LSAMP: variants seen among roughly 807,000 people sequenced by gnomAD.
LSAMP encodes limbic system associated membrane protein.
LSAMP carries 7 observed loss-of-function variants against 38.6 expected under a neutral mutation model. That is an observed-to-expected ratio of 0.18 (90% CI 0.10 to 0.34). The LOEUF (loss-of-function observed/expected upper bound fraction) is 0.34, where lower values mean the gene tolerates loss of function less well. Ranked by LOEUF, LSAMP falls within the 10% of genes least tolerant of loss-of-function variation. The probability of loss-of-function intolerance (pLI) is 1.00; values close to 1 mark genes in which losing one functional copy is unlikely to be tolerated. For synonymous variants in LSAMP, 154 were observed against 166.8 expected, an observed-to-expected ratio of 0.92 and a Z score of 0.59; for missense variants, 313 against 420.0, an observed-to-expected ratio of 0.75 and a Z score of 2.23.
chr3:116,067,144 G>C (rs1432139074), intron 2 of LSAMP, among the ~76,000 whole-genome samples: 3 of 152,068 alleles, frequency 2.0e-5, no homozygotes, highest in African/African-American at 7.2e-5. Flanking sequence ...GCTTCAACTT[G>C]ACTAAATATA....
chr3:116,175,576 T>C (rs1297793321), intron 1 of LSAMP, among the ~76,000 whole-genome samples: 1 of 152,014 alleles, frequency 6.6e-6, no homozygotes, highest in Admixed American at 6.6e-5. Flanking sequence ...AACATTGATA[T>C]CAATCAATAA....
intron 1 of LSAMP, among the ~76,000 whole-genome samples, chr3:116,238,823 A>G (rs2046496560): frequency 6.6e-6 from 1 of 150,544 alleles, no homozygotes; most frequent in African/African-American, 2.4e-5. Context: ...AATGTGCTCA[A>G]TATAAAAATG....
At chr3:115,841,132 G>A (rs1333725763) in intron 6 of LSAMP, among the ~76,000 whole-genome samples, 1 of 152,174 alleles carries the variant, frequency 6.6e-6, no homozygotes, top group Non-Finnish European at 1.5e-5. Flanking sequence ...ACTCCAAGAT[G>A]GGGTCTCCTA....
chr3:116,277,337 C>T (rs150973295), intron 1 of LSAMP, among the ~76,000 whole-genome samples: 1 of 151,812 alleles, frequency 6.6e-6, no homozygotes, highest in African/African-American at 2.4e-5. Context: ...AATTGTTCAA[C>T]ATTCTTTGAA....
intron 2 of LSAMP, among the ~76,000 whole-genome samples, chr3:116,059,012 C>T (rs1163564198): frequency 1.3e-5 from 2 of 151,632 alleles, no homozygotes; most frequent in African/African-American, 2.4e-5. Flanking sequence ...CAGATGCCTT[C>T]GATACATAAA....
intron 3 of LSAMP, among the ~76,000 whole-genome samples, chr3:115,930,002 GTTTTTTTTTTT>G (rs1170325465): frequency 3.7e-5 from 3 of 80,292 alleles, no homozygotes; most frequent in African/African-American, 4.8e-5. Flanking sequence ...TTTAGCAGAA[GTTTTTTTTTTT>G]TTTTTTTTTT....
At chr3:116,076,967 G>A (rs1707757307) in intron 2 of LSAMP, among the ~76,000 whole-genome samples, 1 of 151,572 alleles carries the variant, frequency 6.6e-6, no homozygotes, top group South Asian at 2.1e-4. Context: ...AGAAACTATT[G>A]ATTTAATATA....
chr3:115,858,891 T>G (rs1346920113), intron 3 of LSAMP, among the ~76,000 whole-genome samples: 1 of 152,228 alleles, frequency 6.6e-6, no homozygotes, highest in Non-Finnish European at 1.5e-5. Context: ...GTACCATGTT[T>G]CTGTTCTTAC....
intron 3 of LSAMP, among the ~76,000 whole-genome samples, chr3:115,858,721 T>C (rs1045319795): frequency 6.6e-6 from 1 of 152,140 alleles, no homozygotes. Flanking sequence ...AAGGTGTATA[T>C]GTGTGTATAT....
At chr3:116,295,090 A>G (rs1466429350) in intron 1 of LSAMP, among the ~76,000 whole-genome samples, 1 of 152,224 alleles carries the variant, frequency 6.6e-6, no homozygotes. Context: ...GAAATACTAA[A>G]AGAAAGAAAA....
At chr3:116,419,448 T>C (rs1305228443) in intron 1 of LSAMP, among the ~76,000 whole-genome samples, 2 of 152,200 alleles carry the variant, frequency 1.3e-5, no homozygotes, top group Non-Finnish European at 2.9e-5. Flanking sequence ...TTTTAAATAA[T>C]ACTGGTTTCA....
chr3:116,162,261 C>T (rs1709904916), intron 1 of LSAMP, among the ~76,000 whole-genome samples: 1 of 152,168 alleles, frequency 6.6e-6, no homozygotes, highest in Non-Finnish European at 1.5e-5. Context: ...TGGCAGTACA[C>T]ATGCCTTGTG....
chr3:116,032,854 T>C (rs1940959166), intron 2 of LSAMP, among the ~76,000 whole-genome samples: 1 of 152,088 alleles, frequency 6.6e-6, no homozygotes, highest in Admixed American at 6.6e-5. Context: ...ACAAATTAGA[T>C]GCTGTCATAT....
chr3:115,981,810 C>T (rs1939368868), intron 3 of LSAMP, among the ~76,000 whole-genome samples: 1 of 152,174 alleles, frequency 6.6e-6, no homozygotes, highest in Non-Finnish European at 1.5e-5. Flanking sequence ...CCCTTGTTTC[C>T]TTCCAGCCTC....
chr3:116,303,159 G>C (rs978921073), intron 1 of LSAMP, among the ~76,000 whole-genome samples: 1 of 152,154 alleles, frequency 6.6e-6, no homozygotes, highest in Non-Finnish European at 1.5e-5. Context: ...TCAGCAAAGA[G>C]GGTAAATAGT....
At chr3:116,112,862 T>A (rs1472140492) in intron 1 of LSAMP, among the ~76,000 whole-genome samples, 1 of 152,208 alleles carries the variant, frequency 6.6e-6, no homozygotes, top group African/African-American at 2.4e-5. Context: ...ACATTTTGAA[T>A]CTCAGTGTTG....
chr3:115,941,216 T>C (rs756643605), intron 3 of LSAMP, among the ~76,000 whole-genome samples: 13 of 151,948 alleles, frequency 8.6e-5, no homozygotes, highest in Non-Finnish European at 1.9e-4. Context: ...CAGGGAAATG[T>C]AAATCAAAAC....
At chr3:116,289,105 GAAAC>G (rs1326299946) in intron 1 of LSAMP, among the ~76,000 whole-genome samples, 1 of 152,038 alleles carries the variant, frequency 6.6e-6, no homozygotes, top group African/African-American at 2.4e-5. Flanking sequence ...TTTCATGAGA[GAAAC>G]AATCAGTAGC....
chr3:116,015,259 G>A (rs887088149), intron 3 of LSAMP, among the ~76,000 whole-genome samples: 38 of 152,136 alleles, frequency 2.5e-4, no homozygotes, highest in African/African-American at 8.7e-4. Flanking sequence ...AACCTTTGCA[G>A]AAATGAAACG....
Sources: gnomAD v4.1 joint callset for allele counts (sites outside exome capture counted in the v4.1 genomes callset) on GRCh38, gnomAD v4.1.1 for gene constraint, MANE v1.5 for transcripts, NCBI Gene and HGNC (gene_info 2026-07-23, HGNC 2026-07-21) for gene names.